Variants in NRCAM observed in about 807,000 individuals in gnomAD.
The protein encoded by NRCAM is NgCAM-related cell adhesion molecule.
Under a neutral mutation model 156.5 loss-of-function variants are expected in NRCAM, and 83 were observed. That is an observed-to-expected ratio of 0.53 (90% CI 0.44 to 0.64). NRCAM has a LOEUF of 0.64. Ranked by LOEUF, NRCAM falls within the 30% of genes least tolerant of loss-of-function variation. NRCAM has a pLI of 0.00. For synonymous variants in NRCAM, 538 were observed against 563.9 expected, an observed-to-expected ratio of 0.95 and a Z score of 0.65; for missense variants, 1,417 against 1,597.3, an observed-to-expected ratio of 0.89 and a Z score of 1.92.
At chr7:108,365,363 T>G (rs1308289174) in intron 2 of NRCAM, among the ~76,000 whole-genome samples, 1 of 152,164 alleles carries the variant, frequency 6.6e-6, no homozygotes, top group African/African-American at 2.4e-5. Context: ...AAGTGTCCTA[T>G]TTACTCCATA....
chr7:108,408,380 C>A (rs552260502), intron 1 of NRCAM, among the ~76,000 whole-genome samples: 96 of 152,290 alleles, frequency 6.3e-4, no homozygotes, highest in African/African-American at 2.3e-3. Context: ...CCTGTTGTGG[C>A]CCTATTTGGT....
chr7:108,184,339 A>G, intron 21 of NRCAM, 28 bp from the exon 22 acceptor site: 2 of 1,613,764 alleles, frequency 1.2e-6, no homozygotes, highest in Non-Finnish European at 1.7e-6. Context: ...ACACATGTGT[A>G]AGCTTTGGCC....
chr7:108,440,818 T>G (rs763306947), intron 1 of NRCAM, among the ~76,000 whole-genome samples: 1 of 151,566 alleles, frequency 6.6e-6, no homozygotes, highest in Non-Finnish European at 1.5e-5. Context: ...GCCTTTCAAG[T>G]CTCTGGCTGC....
intron 3 of NRCAM, among the ~76,000 whole-genome samples, chr7:108,275,779 T>C (rs891503554): frequency 6.6e-6 from 1 of 152,192 alleles, no homozygotes; most frequent in Non-Finnish European, 1.5e-5. Context: ...CTGCTAGCTT[T>C]TGAATTTGTT....
intron 11 of NRCAM, among the ~76,000 whole-genome samples, chr7:108,223,271 C>G (rs897674016): frequency 6.6e-6 from 1 of 152,140 alleles, no homozygotes; most frequent in African/African-American, 2.4e-5. Context: ...CCGAACCTTG[C>G]TGGTTAGAGG....
chr7:108,357,424 C>A (rs2099512781), intron 2 of NRCAM, among the ~76,000 whole-genome samples: 1 of 151,654 alleles, frequency 6.6e-6, no homozygotes, highest in Non-Finnish European at 1.5e-5. Context: ...ACCTCCACCT[C>A]CCGGGTTCAA....
At position 108,222,536 on chromosome 7, in the gene NRCAM, G is replaced by A. The variant is rs114703510; in HGVS notation, c.890+1189C>T. Among the ~76,000 whole-genome samples, 730 of 152,216 alleles carry A rather than the reference G, an allele frequency of 4.8e-3. 10 individuals are homozygous for A. The highest frequency in any genetic ancestry group is 0.017 in the African/African-American group (703 of 41,520). The stretch of plus-strand genomic sequence containing the variant: ...TGCCACTCTCTTACACCATAACGAT[G>A]GAAACTGGGAGGATTTTTTTTTCTT... On this transcript the variant is annotated intron_variant, in intron 11 of 32. Transcript: ENST00000379028.
chr7:108,168,145 T>A (rs2056026278), intron 29 of NRCAM, 132 bp downstream of exon 29: 2 of 967,454 alleles, frequency 2.1e-6, no homozygotes, highest in Admixed American at 3.9e-5. Context: ...ATAATTTTTT[T>A]AGATAACTCA....
chr7:108,240,180 G>A lies in NRCAM; in HGVS notation c.-106-10C>T. The stretch of plus-strand genomic sequence containing the variant: ...ATTTTCATGCGGGAAACTGAAAAAG[G>A]ATAGAGTAGGAATAATAATTATAAT... On this transcript the variant is annotated splice_polypyrimidine_tract_variant and intron_variant, in intron 3 of 32. Coordinates refer to ENST00000379028, the MANE Select transcript of NRCAM (RefSeq NM_001037132.4). 1.5e-6 allele frequency: 1 copy of A among 646,622 alleles called. No homozygotes were observed. Among genetic ancestry groups the A allele is most frequent in the Non-Finnish European group, 2.7e-6 (1 of 365,218 alleles). The allele number at this position is 646,622 out of a possible 1,614,324, so 40.1% of individuals were successfully genotyped here. A position where few individuals can be genotyped will look rare whatever the true frequency, so the allele number is the denominator to read the frequency against.
At chr7:108,410,997 TTC>T (rs952745612) in intron 1 of NRCAM, among the ~76,000 whole-genome samples, 53 of 142,998 alleles carry the variant, frequency 3.7e-4, no homozygotes, top group Non-Finnish European at 6.2e-4. Context: ...TTCAGTTTTA[TTC>T]TGTTTTTTTA....
At chr7:108,331,996 G>C (rs1342532396) in intron 2 of NRCAM, among the ~76,000 whole-genome samples, 2 of 152,202 alleles carry the variant, frequency 1.3e-5, no homozygotes, top group Admixed American at 6.5e-5. Flanking sequence ...TGGGAAAAAT[G>C]AATTAACCAA....
chr7:108,375,190 T>C (rs1227213010), intron 2 of NRCAM, among the ~76,000 whole-genome samples: 1 of 152,140 alleles, frequency 6.6e-6, no homozygotes, highest in African/African-American at 2.4e-5. Context: ...TTCCTCCTTG[T>C]AGTCCATGAG....
chr7:108,183,014 A>G, intron 22 of NRCAM, 94 bp from the exon 23 acceptor site: 1 of 1,005,242 alleles, frequency 9.9e-7, no homozygotes, highest in East Asian at 2.6e-5. Flanking sequence ...ACCTACAGAA[A>G]GTGATCATTG....
chr7:108,289,187 T>G (rs551498835), intron 3 of NRCAM, among the ~76,000 whole-genome samples: 1 of 152,142 alleles, frequency 6.6e-6, no homozygotes, highest in Non-Finnish European at 1.5e-5. Flanking sequence ...ACAGTATAAA[T>G]AGAAAACATA....
chr7:108,395,014 T>C (rs1252864599), intron 2 of NRCAM, among the ~76,000 whole-genome samples: 1 of 152,222 alleles, frequency 6.6e-6, no homozygotes, highest in East Asian at 1.9e-4. Context: ...TTATCCATTA[T>C]GCAGATGCTT....
chr7:108,441,607 T>A (rs958290951), intron 1 of NRCAM, among the ~76,000 whole-genome samples: 12 of 152,256 alleles, frequency 7.9e-5, no homozygotes, highest in East Asian at 7.7e-4. Context: ...GAATTACGAC[T>A]GAGGGATAAG....
At chr7:108,398,363 T>C (rs2099782866) in intron 2 of NRCAM, among the ~76,000 whole-genome samples, 1 of 152,162 alleles carries the variant, frequency 6.6e-6, no homozygotes, top group African/African-American at 2.4e-5. Flanking sequence ...TCGATGCTGC[T>C]TCTAGCCAAA....
chr7:108,298,836 A>C (rs1197910843), intron 3 of NRCAM, among the ~76,000 whole-genome samples: 1 of 150,974 alleles, frequency 6.6e-6, no homozygotes, highest in Non-Finnish European at 1.5e-5. Flanking sequence ...GGCCAGGCGC[A>C]GTGGCTCATG....
At position 108,307,218 on chromosome 7, in the gene NRCAM, G is replaced by A. The variant is rs147539031; in HGVS notation, c.-107+5447C>T. Among the ~76,000 whole-genome samples, 6 of 152,312 alleles carry A rather than the reference G, an allele frequency of 3.9e-5. No homozygotes were observed. In the East Asian group the frequency reaches 1.2e-3, roughly 29 times the overall value. ...TGAGCGAAGCAGCAGCCGGGGAGAA[G>A]GCATATCCAACACACCTCAGGTGCA... On this transcript the variant is annotated intron_variant, in intron 3 of 32. Transcript: ENST00000379028.
Sources: allele counts gnomAD v4.1 joint callset (sites outside exome capture counted in the v4.1 genomes callset), GRCh38; gene constraint gnomAD v4.1.1; transcripts MANE v1.5; gene names NCBI Gene and HGNC (gene_info 2026-07-23, HGNC 2026-07-21).